ATP11A: variants seen among roughly 807,000 people sequenced by gnomAD.
ATP11A encodes phospholipid-transporting ATPase IH.
A neutral mutation model predicts 154.4 loss-of-function variants in ATP11A; 81 were observed. The ratio of observed to expected loss-of-function variants is 0.52; its 90% confidence interval spans 0.44 to 0.63. The LOEUF is 0.63. Ranked by LOEUF, ATP11A falls within the 30% of genes least tolerant of loss-of-function variation. ATP11A has a pLI of 0.00. For missense variants in ATP11A, 1,316 were observed against 1,474.3 expected (o/e 0.89, Z 1.76); for synonymous variants, 623 against 585.9 (o/e 1.06, Z -0.91).
At chr13:112,722,986 A>C (rs1889372568) in intron 1 of ATP11A, among the ~76,000 whole-genome samples, 1 of 152,068 alleles carries the variant, frequency 6.6e-6, no homozygotes. Flanking sequence ...CAGTTGATTA[A>C]AGGAGTAAGG....
At chr13:112,787,868 T>C (rs892746371) in intron 2 of ATP11A, among the ~76,000 whole-genome samples, 3 of 148,280 alleles carry the variant, frequency 2.0e-5, no homozygotes, top group African/African-American at 5.0e-5. Context: ...TAGACCCTTG[T>C]GGAGACCTAC....
rs774689059 is a variant in ATP11A at position 112,791,584 on chromosome 13, C to A, written c.162+6327C>A. 9.4e-4 allele frequency among the ~76,000 whole-genome samples: 143 copies of A among 152,284 alleles called. 1 individual carries two copies. The highest frequency in any genetic ancestry group is 1.8e-3 in the Non-Finnish European group (125 of 68,018). ...CTTTGGAGGAGATGACAGAGCATGG[C>A]GAATTCTGCCTCCCACTCCTGACCC... is the stretch of plus-strand genomic sequence containing the variant. On this transcript the variant is annotated intron_variant, in intron 2 of 29. Transcript: ENST00000375645.
At chr13:112,788,035 A>G (rs429356) in intron 2 of ATP11A, among the ~76,000 whole-genome samples, 1,180 of 33,386 alleles carry the variant, frequency 0.035, no homozygotes, top group African/African-American at 0.075. Context: ...ATTCACACCA[A>G]GTGTCCTGAT....
chr13:112,880,588 A>G (rs1324964697), intron 29 of ATP11A: 1 of 1,300,886 alleles, frequency 7.7e-7, no homozygotes, highest in Admixed American at 2.3e-5. Flanking sequence ...CGCACAGAGC[A>G]GCGATGGGCC....
At chr13:112,773,813 C>T (rs1025996111) in intron 1 of ATP11A, among the ~76,000 whole-genome samples, 2 of 152,236 alleles carry the variant, frequency 1.3e-5, no homozygotes, top group Non-Finnish European at 2.9e-5. Flanking sequence ...CTGTGGGTGA[C>T]GCGCATCACG....
chr13:112,830,436 C>T (rs1280115408), intron 12 of ATP11A, among the ~76,000 whole-genome samples: 5 of 152,052 alleles, frequency 3.3e-5, no homozygotes, highest in Admixed American at 6.6e-5. Context: ...ATTAGCCAGA[C>T]GTGGTGGCAG....
intron 1 of ATP11A, among the ~76,000 whole-genome samples, chr13:112,772,219 T>C (rs765757822): frequency 6.6e-6 from 1 of 152,228 alleles, no homozygotes; most frequent in Non-Finnish European, 1.5e-5. Flanking sequence ...CTCTATATAC[T>C]ATATATAAAA....
In ATP11A at chr13:112,761,645, T is replaced by TGG. The variant is rs1335450453; in HGVS notation, c.40-23490_40-23489insGG. On this transcript the variant is annotated intron_variant, in intron 1 of 29. Coordinates refer to ENST00000375645, the MANE Select transcript of ATP11A (RefSeq NM_015205.3). ...CGGATTCAGGAGTCCCCTGGGGTCTTAGAAGCACCCCTGAGGATAAAGGGG... is the reference window on the plus strand; with the variant it reads ...CGGATTCAGGAGTCCCCTGGGGTCTTGGAGAAGCACCCCTGAGGATAAAGGGG... Among the ~76,000 whole-genome samples, 193 of 136,410 alleles carry TGG rather than the reference T, an allele frequency of 1.4e-3. 4 individuals are homozygous for TGG. Among genetic ancestry groups the TGG allele is most frequent in the African/African-American group, 4.8e-3 (182 of 37,698 alleles). The allele number at this position is 136,410 out of a possible 152,430, so 89.5% of individuals were successfully genotyped here.
rs1280632287 is a variant in ATP11A at position 112,882,853 on chromosome 13, G to T, written c.*987G>T. 2 of 398,864 alleles carry T rather than the reference G, an allele frequency of 5.0e-6. No individual in the cohort carries two copies. The highest frequency in any genetic ancestry group is 1.3e-4 in the South Asian group (1 of 7,888). The allele number at this position is 398,864 out of a possible 1,614,324, so 24.7% of individuals were successfully genotyped here. A position where few individuals can be genotyped will look rare whatever the true frequency, so the allele number is the denominator to read the frequency against. On this transcript the variant is annotated 3_prime_UTR_variant, in exon 30 of 30. Transcript: ENST00000375645. This position sits in a 1 kb window ranked among gnomAD's most constrained non-coding sequence, Gnocchi z 5.1. ...CAGACATCCTCTGTCCCCGTGGAGG[G>T]GTCAACACCAAGGTGGTGTTCGTGC...
At chr13:112,776,711 C>A (rs1401134018) in intron 1 of ATP11A, among the ~76,000 whole-genome samples, 1 of 152,206 alleles carries the variant, frequency 6.6e-6, no homozygotes, top group East Asian at 1.9e-4. Flanking sequence ...TCCTCCTTGC[C>A]TCAGCCCCCC....
chr13:112,881,653 G>T, intron 29 of ATP11A: 2 of 1,199,964 alleles, frequency 1.7e-6, no homozygotes, highest in Non-Finnish European at 2.1e-6. Context: ...TGGTGGGGTG[G>T]ATCCCGCCCG....
At chr13:112,766,661 C>T (rs1215615071) in intron 1 of ATP11A, among the ~76,000 whole-genome samples, 1 of 152,038 alleles carries the variant, frequency 6.6e-6, no homozygotes, top group Non-Finnish European at 1.5e-5. Context: ...CTTCTGCCCA[C>T]CCCCCAGGAT....
At chr13:112,862,633 C>A (rs2080146699) in intron 25 of ATP11A, 58 bp downstream of exon 25, 3 of 1,607,530 alleles carry the variant, frequency 1.9e-6, no homozygotes, top group Admixed American at 3.4e-5. Flanking sequence ...CCTCCCAAGC[C>A]CATATGATGA....
intron 1 of ATP11A, among the ~76,000 whole-genome samples, chr13:112,715,814 G>A (rs1382794522): frequency 6.6e-6 from 1 of 151,862 alleles, no homozygotes; most frequent in African/African-American, 2.4e-5. Flanking sequence ...GCTTGGGCTT[G>A]GAGCCCTGTT....
intron 1 of ATP11A, among the ~76,000 whole-genome samples, chr13:112,709,320 C>T (rs573978666): frequency 6.6e-6 from 1 of 152,256 alleles, no homozygotes; most frequent in South Asian, 2.1e-4. Flanking sequence ...AATGTTTTAC[C>T]CCAAAATATA....
chr13:112,710,500 A>T (rs1390475022), intron 1 of ATP11A, among the ~76,000 whole-genome samples: 1 of 152,162 alleles, frequency 6.6e-6, no homozygotes, highest in African/African-American at 2.4e-5. Context: ...GGGCCCTTGG[A>T]GCCATCTCGA....
intron 2 of ATP11A, among the ~76,000 whole-genome samples, chr13:112,802,071 G>A (rs537956263): frequency 4.1e-4 from 62 of 152,302 alleles, no homozygotes; most frequent in African/African-American, 1.2e-3. Context: ...GCGGCTGGGC[G>A]TGGCGGCTCA....
intron 24 of ATP11A, 35 bp from the exon 25 acceptor site, chr13:112,862,405 C>G: frequency 1.2e-6 from 2 of 1,610,628 alleles, no homozygotes; most frequent in Non-Finnish European, 1.7e-6. Flanking sequence ...CCCTGATTCT[C>G]GAGGACACAC....
intron 20 of ATP11A, among the ~76,000 whole-genome samples, chr13:112,857,167 A>G (rs1204889909): frequency 6.6e-6 from 1 of 152,210 alleles, no homozygotes; most frequent in Non-Finnish European, 1.5e-5. Flanking sequence ...CTATCTTGAA[A>G]CAAGAAGGCA....
Sources: allele counts gnomAD v4.1 joint callset (sites outside exome capture counted in the v4.1 genomes callset), GRCh38; gene constraint gnomAD v4.1.1; non-coding constraint Gnocchi (gnomAD v3.1); transcripts MANE v1.5; gene names NCBI Gene and HGNC (gene_info 2026-07-23, HGNC 2026-07-21).